UNC80: variants seen among roughly 807,000 people sequenced by gnomAD.
UNC80 encodes unc-80 subunit of NALCN channel complex, also known as protein unc-80 homolog.
In UNC80, 164 loss-of-function variants were observed where a neutral mutation model predicts 384.6. The observed-to-expected ratio is 0.43, with a 90% confidence interval of 0.38 to 0.49. UNC80 has a LOEUF of 0.49. UNC80 is among the 20% of genes least tolerant of loss of function. UNC80 has a pLI of 0.00. For synonymous variants in UNC80, 1,486 were observed against 1,527.8 expected, an observed-to-expected ratio of 0.97 and a Z score of 0.64; for missense variants, 3,330 against 4,143.0, an observed-to-expected ratio of 0.80 and a Z score of 5.39.
At chr2:209,794,482 A>G (rs1055961693) in intron 7 of UNC80, among the ~76,000 whole-genome samples, 12 of 152,218 alleles carry the variant, frequency 7.9e-5, no homozygotes, top group Non-Finnish European at 5.9e-5. Flanking sequence ...GCCTAGTAAT[A>G]CATAGTATTT....
Position 209,930,506 on chromosome 2 carries a change from A to G in UNC80, c.5908-462A>G, listed in dbSNP as rs528500990. ...GGTAAAGTTAATTATAGACATTTCA[A>G]TCTAGTCTCTTGTAACCTCTCTTTT... On this transcript the variant is annotated intron_variant, in intron 37 of 64. Transcript: ENST00000673920. Among the ~76,000 whole-genome samples the G allele has an allele frequency of 3.9e-5, 6 of 152,310 alleles. No individual in the cohort carries two copies. In the East Asian group the frequency reaches 5.8e-4, roughly 15 times the overall value.
intron 22 of UNC80, among the ~76,000 whole-genome samples, chr2:209,871,849 G>GTTTTTTTCTTTTCTTT: frequency 6.7e-6 from 1 of 148,578 alleles, no homozygotes. Flanking sequence ...GACATGACAA[G>GTTTTTTTCTTTTCTTT]GTGGAGCCAT....
At position 209,945,072 on chromosome 2, in the gene UNC80, A is replaced by G. The variant is rs1280587285; in HGVS notation, c.7072A>G (p.Ser2358Gly). 1 of 1,551,740 alleles carries G rather than the reference A, an allele frequency of 6.4e-7. No individual in the cohort carries two copies. The highest frequency in any genetic ancestry group is 8.7e-7 in the Non-Finnish European group (1 of 1,146,886). The change falls in exon 46 of 65, where the codon AGC becomes GGC. Residue 2358 changes from serine (S) to glycine (G), a missense_variant. Ser to Gly is a moderately conservative substitution (Grantham distance 56). Coordinates refer to ENST00000673920, the MANE Select transcript of UNC80 (RefSeq NM_001371986.1). The stretch of plus-strand genomic sequence containing the variant: ...TCAGGATGCTGCCAATAATGGGCCC[A>G]GCAAAGGTGTGTCAGCTCAGTGCCT... ...EFPDAANNGP[S>G]KGVSAQCLFD...
At position 209,815,390 on chromosome 2, in the gene UNC80, A is replaced by G; in HGVS notation, c.1334A>G (p.Lys445Arg). ...GACCTGGGCATGAATATTTTTAAAA[A>G]GGTGAGTAGAAATGCTTATGCTCTT... ...SSDLGMNIFKKFKSRKEDRER... is the reference protein window; with the variant it reads ...SSDLGMNIFKRFKSRKEDRER... The change falls in exon 9 of 65, where the codon AAG (lysine) becomes AGG (arginine). Residue 445 changes from lysine to arginine, a missense_variant and splice_region_variant. Coordinates refer to ENST00000673920, the MANE Select transcript of UNC80 (RefSeq NM_001371986.1). 1.3e-6 allele frequency: 2 copies of G among 1,550,738 alleles called. No homozygotes were observed. Among genetic ancestry groups the G allele is most frequent in the Non-Finnish European group, 1.7e-6 (2 of 1,146,592 alleles).
intron 7 of UNC80, chr2:209,794,999 G>C: frequency 3.1e-6 from 1 of 323,936 alleles, no homozygotes; most frequent in East Asian, 9.8e-5. Flanking sequence ...CTGGGTAACA[G>C]GCAGAGATTG....
chr2:209,928,284 C>G lies in UNC80; in HGVS notation c.5806+1298C>G, dbSNP rs566135584. ...CTGGAAGGCAGAGGTTGCAGTGAGC[C>G]GAAACCGCACCACTGCACTTCAGCC... On this transcript the variant is annotated intron_variant, in intron 36 of 64. Transcript: ENST00000673920. Among the ~76,000 whole-genome samples, 275 of 152,098 alleles carry G rather than the reference C, an allele frequency of 1.8e-3. 1 individual carries two copies. The highest frequency in any genetic ancestry group is 6.2e-3 in the African/African-American group (257 of 41,492).
At position 209,872,815 on chromosome 2, in the gene UNC80, C is replaced by T. The variant is rs1024823820; in HGVS notation, c.3685C>T (p.Arg1229Cys). The T allele has an allele frequency of 7.1e-6, 11 of 1,551,286 alleles. No individual in the cohort carries two copies. Among genetic ancestry groups the T allele is most frequent in the Admixed American group, 2.0e-5 (1 of 50,954 alleles). ...LFLECARFVHRCNRGNWPEWM... is the reference protein window; with the variant it reads ...LFLECARFVHCCNRGNWPEWM... ...CCTGGAATGTGCTCGTTTTGTTCAC[C>T]GCTGCAACCGTGGCAACTGGCCAGA... The change falls in exon 23 of 65, where the codon CGC becomes TGC. Residue 1229 changes from arginine to cysteine, a missense_variant. Transcript: ENST00000673920. This position sits in a 1 kb window ranked among gnomAD's most constrained non-coding sequence, Gnocchi z 4.1.
In UNC80 at chr2:209,861,532, G is replaced by T. The variant is rs564227575; in HGVS notation, c.3628-11226G>T. Among the ~76,000 whole-genome samples, 6 of 152,282 alleles carry T rather than the reference G, an allele frequency of 3.9e-5. No homozygotes were observed. In the East Asian group the frequency reaches 1.2e-3, roughly 29 times the overall value. On this transcript the variant is annotated intron_variant, in intron 22 of 64. Coordinates refer to ENST00000673920, the MANE Select transcript of UNC80 (RefSeq NM_001371986.1). ...TGTCTCTTCCAGGTTTTGGTATCAG[G>T]ATGATGCTGGCTTTATAAAATGAGT... is the stretch of plus-strand genomic sequence containing the variant.
rs141123594 is a variant in UNC80, at chr2:209,952,267, G to C, written c.7287-1833G>C. ...ATATTGCATTAAAAAAATTAGAAAT[G>C]CTTTGAGGATCTACCCGATGTTATC... On this transcript the variant is annotated intron_variant, in intron 47 of 64. Coordinates refer to ENST00000673920, the MANE Select transcript of UNC80 (RefSeq NM_001371986.1). Among the ~76,000 whole-genome samples, 14 of 152,078 alleles carry C rather than the reference G, an allele frequency of 9.2e-5. No individual in the cohort carries two copies. The East Asian group carries it at 2.3e-3, about 25-fold the overall frequency.
intron 52 of UNC80, 22 bp from the exon 53 acceptor site, chr2:209,969,746 T>C (rs1007984012): frequency 6.7e-5 from 104 of 1,551,338 alleles, no homozygotes; most frequent in Non-Finnish European, 8.9e-5. Flanking sequence ...AAGACGCTAA[T>C]GGCGCCTATA....
At chr2:209,806,208 A>G (rs2153826663) in intron 7 of UNC80, among the ~76,000 whole-genome samples, 1 of 152,332 alleles carries the variant, frequency 6.6e-6, no homozygotes, top group East Asian at 1.9e-4. Context: ...TTTCTCATCC[A>G]TAATAAGCAT....
chr2:209,831,741 T>C (rs2080985369), intron 16 of UNC80, 150 bp downstream of exon 16: 1 of 913,418 alleles, frequency 1.1e-6, no homozygotes, highest in African/African-American at 1.7e-5. Context: ...CACCAGTAAG[T>C]CATAATGGAG....
chr2:209,995,113 T>C lies in UNC80; in HGVS notation c.9709-216T>C, dbSNP rs529299086. Among the ~76,000 whole-genome samples the C allele has an allele frequency of 3.9e-5, 6 of 152,314 alleles. No homozygotes were observed. The East Asian group carries it at 7.7e-4, about 20-fold the overall frequency. On this transcript the variant is annotated intron_variant, in intron 64 of 64. Transcript: ENST00000673920. ...CATTTGATCCTCACAGTCTACAAGA[T>C]AAGCAAGACAAAAAATTGTGTTCAT...
At chr2:209,854,537 T>G (rs2082751014) in intron 22 of UNC80, among the ~76,000 whole-genome samples, 1 of 151,928 alleles carries the variant, frequency 6.6e-6, no homozygotes, top group South Asian at 2.1e-4. Flanking sequence ...TGGGAGAAAA[T>G]TTTTGCAATC....
intron 56 of UNC80, among the ~76,000 whole-genome samples, 193 bp from the exon 57 acceptor site, chr2:209,975,926 C>A (rs1481110085): frequency 1.3e-5 from 2 of 152,152 alleles, no homozygotes; most frequent in African/African-American, 4.8e-5. Flanking sequence ...AGAATCAAAA[C>A]ACTTAGCATA....
chr2:209,915,238 C>T (rs2089394306), intron 31 of UNC80, among the ~76,000 whole-genome samples: 1 of 151,694 alleles, frequency 6.6e-6, no homozygotes, highest in African/African-American at 2.4e-5. Context: ...CCCATCTCTA[C>T]TAAAAATACA....
At chr2:209,825,815 A>C (rs1311372493) in intron 13 of UNC80, 92 bp from the exon 14 acceptor site, 12 of 1,214,238 alleles carry the variant, frequency 9.9e-6, no homozygotes, top group Non-Finnish European at 1.3e-5. Context: ...AAAACATATA[A>C]ACTTGATTTA....
chr2:209,942,861 C>G (rs1458526655), intron 44 of UNC80, among the ~76,000 whole-genome samples: 5 of 146,834 alleles, frequency 3.4e-5, no homozygotes, highest in Non-Finnish European at 7.4e-5. Context: ...TTCCTACACA[C>G]ACACACACAC....
At chr2:209,988,585 A>G (rs1266008218) in intron 61 of UNC80, among the ~76,000 whole-genome samples, 3 of 152,186 alleles carry the variant, frequency 2.0e-5, no homozygotes, top group Non-Finnish European at 2.9e-5. Context: ...ATATGCCTCC[A>G]TAGTATCAGG....
Sources: allele counts gnomAD v4.1 joint callset (sites outside exome capture counted in the v4.1 genomes callset), GRCh38; gene constraint gnomAD v4.1.1; non-coding constraint Gnocchi (gnomAD v3.1); transcripts MANE v1.5; gene names NCBI Gene and HGNC (gene_info 2026-07-23, HGNC 2026-07-21).